Variants in CPA5 observed in about 807,000 individuals in gnomAD.
The protein encoded by CPA5 is testicular tissue protein Li 32.
In CPA5, 38 loss-of-function variants were observed where a neutral mutation model predicts 52.2. The observed-to-expected ratio is 0.73, with a 90% CI of 0.56 to 0.95. The LOEUF (loss-of-function observed/expected upper bound fraction) is 0.95, where lower values mean the gene tolerates loss of function less well. CPA5 is among the 40% of genes least tolerant of loss of function. The pLI is 0.00. For synonymous variants in CPA5, 198 were observed against 213.7 expected (o/e 0.93, Z 0.64); for missense variants, 519 against 566.7 (o/e 0.92, Z 0.86).
chr7:130,359,770 G>A, intron 6 of CPA5, 83 bp downstream of exon 6: 2 of 893,658 alleles, frequency 2.2e-6, no homozygotes, highest in Non-Finnish European at 3.6e-6. Flanking sequence ...AACTAGTGAA[G>A]GACTCCAGGG....
intron 4 of CPA5, 74 bp from the exon 5 acceptor site, chr7:130,349,901 C>G (rs556840966): frequency 2.0e-6 from 3 of 1,511,338 alleles, no homozygotes; most frequent in South Asian, 1.3e-5. Context: ...TTCTCTGGCT[C>G]TCTGTGGTCA....
At chr7:130,360,743 G>A (rs560682625) in intron 6 of CPA5, among the ~76,000 whole-genome samples, 6 of 152,314 alleles carry the variant, frequency 3.9e-5, no homozygotes, top group South Asian at 4.1e-4. Context: ...TAAAAGGAGC[G>A]AGAAGATAAA....
chr7:130,347,434 T>C (rs1456772418), intron 3 of CPA5, among the ~76,000 whole-genome samples: 1 of 152,014 alleles, frequency 6.6e-6, no homozygotes, highest in African/African-American at 2.4e-5. Context: ...ATTTTACACA[T>C]CGCCCCCCTC....
chr7:130,364,518 G>T (rs1280695873), intron 10 of CPA5, among the ~76,000 whole-genome samples: 1 of 152,194 alleles, frequency 6.6e-6, no homozygotes, highest in African/African-American at 2.4e-5. Context: ...AAAAAATTTT[G>T]TAGAGACGTG....
chr7:130,367,884 C>A, intron 11 of CPA5, 22 bp from the exon 12 acceptor site: 2 of 1,611,202 alleles, frequency 1.2e-6, no homozygotes, highest in Admixed American at 1.7e-5. Flanking sequence ...CTGCCTTTCA[C>A]CCCGCCAATG....
intron 3 of CPA5, 70 bp from the exon 4 acceptor site, chr7:130,347,696 C>T (rs116890977): frequency 0.023 from 31,941 of 1,384,228 alleles, 464 homozygotes; most frequent in Non-Finnish European, 0.027. Context: ...CACTCTGCCC[C>T]TTCCAAGTGA....
At chr7:130,359,760 A>C in intron 6 of CPA5, 73 bp downstream of exon 6, 1 of 1,033,896 alleles carries the variant, frequency 9.7e-7, no homozygotes, top group Non-Finnish European at 1.5e-6. Flanking sequence ...CTCAGTCAGA[A>C]ACTAGTGAAG....
At chr7:130,369,882 C>G (rs1401859184), downstream of CPA5, among the ~76,000 whole-genome samples, 1 of 152,188 alleles carries the variant, frequency 6.6e-6, no homozygotes. Flanking sequence ...TTCCATTCAG[C>G]CTGTGAAAGG....
intron 10 of CPA5, among the ~76,000 whole-genome samples, chr7:130,364,707 C>G (rs1554407699): frequency 6.6e-6 from 1 of 152,226 alleles, no homozygotes; most frequent in African/African-American, 2.4e-5. Context: ...CTTTATGACC[C>G]TGGTGCATAC....
intron 8 of CPA5, 61 bp downstream of exon 8, chr7:130,362,600 C>T (rs1795853925): frequency 2.4e-6 from 3 of 1,257,206 alleles, no homozygotes; most frequent in Admixed American, 1.8e-5. Flanking sequence ...GGGGCAGGAA[C>T]TTACTATTTA....
In CPA5 at chr7:130,356,225, G is replaced by A. The variant is rs530860626; in HGVS notation, c.334-3364G>A. ...TCCTCCGCCTCAGCTTCAGCACTGGGGCCCTGCTACCTCCTCCCCTGCCCA... is the reference window on the plus strand; with the variant it reads ...TCCTCCGCCTCAGCTTCAGCACTGGAGCCCTGCTACCTCCTCCCCTGCCCA... On this transcript the variant is annotated intron_variant, in intron 5 of 12. Transcript: ENST00000474905. 2.0e-5 allele frequency among the ~76,000 whole-genome samples: 3 copies of A among 152,246 alleles called. No homozygotes were observed. In the East Asian group the frequency reaches 5.8e-4, roughly 29 times the overall value.
At chr7:130,369,913 G>A (rs1466185414), downstream of CPA5, among the ~76,000 whole-genome samples, 1 of 152,214 alleles carries the variant, frequency 6.6e-6, no homozygotes, top group Non-Finnish European at 1.5e-5. Context: ...TGGGCCATTT[G>A]GTAGAAGAAG....
At chr7:130,369,184 C>T (rs1329966947), downstream of CPA5, among the ~76,000 whole-genome samples, 2 of 152,164 alleles carry the variant, frequency 1.3e-5, no homozygotes, top group Non-Finnish European at 2.9e-5. Context: ...GAGGTGTCCT[C>T]AAAGGCTCCC....
At chr7:130,361,106 G>A (rs1554406488) in intron 6 of CPA5, 37 bp from the exon 7 acceptor site, 2 of 1,369,608 alleles carry the variant, frequency 1.5e-6, no homozygotes, top group Non-Finnish European at 2.1e-6. Flanking sequence ...CCCTCTTCCT[G>A]CTTAACTGCC....
intron 9 of CPA5, 103 bp downstream of exon 9, chr7:130,363,097 A>G: frequency 2.8e-6 from 2 of 704,240 alleles, no homozygotes; most frequent in Non-Finnish European, 2.4e-6. Flanking sequence ...CTCTTTGCAG[A>G]AGCCCTCACC....
downstream of CPA5, among the ~76,000 whole-genome samples, chr7:130,372,010 G>A (rs1305273564): frequency 1.3e-5 from 2 of 152,162 alleles, no homozygotes; most frequent in Non-Finnish European, 2.9e-5. Context: ...CTGCCCAGCG[G>A]CTTTGTGTGT....
At chr7:130,366,449 G>T (rs1273087730) in intron 10 of CPA5, among the ~76,000 whole-genome samples, 4 of 152,222 alleles carry the variant, frequency 2.6e-5, no homozygotes, top group African/African-American at 9.6e-5. Context: ...AAAAGCAGAG[G>T]AGGAGCAGAA....
intron 6 of CPA5, 132 bp downstream of exon 6, chr7:130,359,819 G>A: frequency 6.4e-6 from 4 of 624,828 alleles, no homozygotes; most frequent in Admixed American, 5.8e-5. Context: ...GGACTGTACA[G>A]CAGACATTAG....
At chr7:130,346,249 G>T in intron 2 of CPA5, 144 bp from the exon 3 acceptor site, 1 of 416,816 alleles carries the variant, frequency 2.4e-6, no homozygotes, top group African/African-American at 2.0e-5. Context: ...AAAAGCTAAG[G>T]CCTGTCTTCC....
Sources: allele counts gnomAD v4.1 joint callset (sites outside exome capture counted in the v4.1 genomes callset), GRCh38; gene constraint gnomAD v4.1.1; transcripts MANE v1.5; gene names NCBI Gene and HGNC (gene_info 2026-07-23, HGNC 2026-07-21).